HS6ST2: variants seen among roughly 807,000 people sequenced by gnomAD.
HS6ST2 encodes the protein heparan-sulfate 6-O-sulfotransferase 2.
In HS6ST2, 17 loss-of-function variants were observed where a neutral mutation model predicts 33.0. That is an observed-to-expected ratio of 0.52 (90% CI 0.35 to 0.77). The LOEUF is 0.77. Among genes scored for constraint, HS6ST2 ranks in the 30% least tolerant of loss-of-function variants. The pLI is 0.01. For synonymous variants in HS6ST2, 248 were observed against 237.1 expected (o/e 1.05, Z -0.42); for missense variants, 519 against 551.7 (o/e 0.94, Z 0.59).
chrX:132,722,256 A>AGAAATAAC (rs1404492761), intron 2 of HS6ST2, among the ~76,000 whole-genome samples: 2 of 110,925 alleles, frequency 1.8e-5, no homozygotes, highest in Admixed American at 1.9e-4. Context: ...GTAGAAGAAA[A>AGAAATAAC]GAAATAACGA....
chrX:132,719,143 G>A (rs2064305213), intron 2 of HS6ST2, among the ~76,000 whole-genome samples: 1 of 111,437 alleles, frequency 9.0e-6, no homozygotes, highest in South Asian at 3.8e-4. Context: ...CTCTAGCACA[G>A]TGAACCAGGC....
chrX:132,724,356 T>A (rs1300047714), intron 2 of HS6ST2, among the ~76,000 whole-genome samples: 1 of 111,904 alleles, frequency 8.9e-6, no homozygotes. Context: ...CATTTCTATA[T>A]GCCAACAGCG....
intron 4 of HS6ST2, among the ~76,000 whole-genome samples, chrX:132,653,644 C>T (rs754553695): frequency 2.0e-4 from 22 of 111,653 alleles, no homozygotes; most frequent in Admixed American, 5.7e-4. Flanking sequence ...GGACAGATGT[C>T]CACAGTCATT....
rs780609249 is a variant in HS6ST2 at position 132,708,210 on chromosome X, TG to T, written c.980+251del. Reference sequence around the variant, plus strand: ...TGACCTACTGCACACCTGTCTGGGGTGGTCGCCCTGAACATTCATCCCCCTT... The same window carrying T: ...TGACCTACTGCACACCTGTCTGGGGTGTCGCCCTGAACATTCATCCCCCTT... On this transcript the variant is annotated intron_variant, in intron 3 of 4. Transcript: ENST00000370833. 5.1e-5 allele frequency among the ~76,000 whole-genome samples: 5 copies of T among 98,521 alleles called. No individual in the cohort carries two copies. In the East Asian group the frequency reaches 1.7e-3, roughly 34 times the overall value. 85.6% of individuals were successfully genotyped at this position (98,521 alleles called of 115,157 possible).
intron 2 of HS6ST2, among the ~76,000 whole-genome samples, chrX:132,936,588 A>G (rs2066824630): frequency 8.9e-6 from 1 of 112,115 alleles, no homozygotes; most frequent in African/African-American, 3.2e-5. Flanking sequence ...TTCTAAGCAA[A>G]TTAACACAGG....
At chrX:132,719,007 G>A (rs5977738) in intron 2 of HS6ST2, among the ~76,000 whole-genome samples, 1 of 110,145 alleles carries the variant, frequency 9.1e-6, no homozygotes, top group African/African-American at 3.3e-5. Context: ...GTTAACCAAG[G>A]GGGGGAAGAA....
At chrX:132,803,031 A>T (rs141974448) in intron 2 of HS6ST2, among the ~76,000 whole-genome samples, 146 of 111,297 alleles carry the variant, frequency 1.3e-3, no homozygotes, top group African/African-American at 4.5e-3. Flanking sequence ...GAGGCCAGGT[A>T]AAAGAGACAT....
At chrX:132,767,806 T>C (rs1341635457) in intron 2 of HS6ST2, among the ~76,000 whole-genome samples, 4 of 111,257 alleles carry the variant, frequency 3.6e-5, no homozygotes, top group Non-Finnish European at 7.5e-5. Flanking sequence ...AGGTGGGTAG[T>C]ATGATGCTTG....
intron 2 of HS6ST2, among the ~76,000 whole-genome samples, chrX:132,780,000 C>A (rs1277098507): frequency 9.0e-6 from 1 of 111,257 alleles, no homozygotes; most frequent in Non-Finnish European, 1.9e-5. Flanking sequence ...AGATGGTCCT[C>A]CACATCTGTG....
At chrX:132,712,528 G>C (rs2064240830) in intron 2 of HS6ST2, among the ~76,000 whole-genome samples, 1 of 112,054 alleles carries the variant, frequency 8.9e-6, no homozygotes, top group Non-Finnish European at 1.9e-5. Context: ...TGCAAAACAA[G>C]CTGCTGGTCT....
chrX:132,871,741 G>T (rs910186721), intron 2 of HS6ST2, among the ~76,000 whole-genome samples: 1 of 106,862 alleles, frequency 9.4e-6, no homozygotes, highest in South Asian at 4.5e-4. Flanking sequence ...AGAACTCATG[G>T]ACTCAGGGAG....
chrX:132,635,117 C>A (rs73638575), intron 4 of HS6ST2, among the ~76,000 whole-genome samples: 1 of 111,767 alleles, frequency 8.9e-6, no homozygotes, highest in African/African-American at 3.2e-5. Context: ...CAAGTTTAGG[C>A]CAACTTTTTC....
At chrX:132,762,176 T>C (rs2064809362) in intron 2 of HS6ST2, among the ~76,000 whole-genome samples, 1 of 112,082 alleles carries the variant, frequency 8.9e-6, no homozygotes. Flanking sequence ...GTTTCACTTA[T>C]TGTCTTGGTT....
chrX:132,839,038 A>C lies in HS6ST2; in HGVS notation c.947+117770T>G, dbSNP rs1216549019. On this transcript the variant is annotated intron_variant, in intron 2 of 4. Transcript: ENST00000370833. ...CTTATACACTGTTGGTGGGAATGCA[A>C]GTTAGTACAACCTCTATGGAAAACA... is the stretch of plus-strand genomic sequence containing the variant. Among the ~76,000 whole-genome samples the C allele has an allele frequency of 3.0e-5, 3 of 100,595 alleles. No homozygotes were observed. In the East Asian group the frequency reaches 9.4e-4, roughly 31 times the overall value. The allele number at this position is 100,595 out of a possible 115,157, so 87.4% of individuals were successfully genotyped here.
intron 2 of HS6ST2, among the ~76,000 whole-genome samples, chrX:132,911,678 G>A (rs1270784304): frequency 1.0e-4 from 1 of 9,534 alleles, no homozygotes; most frequent in African/African-American, 4.7e-4. Context: ...TCGCTCTGTT[G>A]TCCAGGCTGG....
intron 2 of HS6ST2, among the ~76,000 whole-genome samples, chrX:132,854,930 T>C (rs181753445): frequency 1.8e-5 from 2 of 112,557 alleles, no homozygotes; most frequent in East Asian, 5.6e-4. Context: ...GCATTCCGTC[T>C]GGCCTTTTGA....
chrX:132,679,689 G>A (rs1290511381), intron 3 of HS6ST2, among the ~76,000 whole-genome samples: 2 of 109,370 alleles, frequency 1.8e-5, no homozygotes, highest in African/African-American at 6.7e-5. Flanking sequence ...AAGCCTGGGA[G>A]CGCTATGGGA....
At chrX:132,768,247 A>G (rs547507496) in intron 2 of HS6ST2, among the ~76,000 whole-genome samples, 137 of 107,036 alleles carry the variant, frequency 1.3e-3, no homozygotes, top group South Asian at 7.1e-3. Flanking sequence ...AGGGTGGGAG[A>G]ATCACTTGAA....
At chrX:132,758,621 T>C (rs2064779100) in intron 2 of HS6ST2, among the ~76,000 whole-genome samples, 1 of 111,588 alleles carries the variant, frequency 9.0e-6, no homozygotes. Flanking sequence ...GCCTCAACAT[T>C]GATTGCCAAG....
Sources: gnomAD v4.1 joint callset for allele counts (sites outside exome capture counted in the v4.1 genomes callset) on GRCh38, gnomAD v4.1.1 for gene constraint, MANE v1.5 for transcripts, NCBI Gene and HGNC (gene_info 2026-07-23, HGNC 2026-07-21) for gene names.